SLC25A21: variants seen among roughly 807,000 people sequenced by gnomAD.
SLC25A21 encodes the protein mitochondrial 2-oxodicarboxylate carrier.
A neutral mutation model predicts 43.8 loss-of-function variants in SLC25A21; 47 were observed. The ratio of observed to expected loss-of-function variants is 1.07; its 90% CI spans 0.85 to 1.37. SLC25A21 has a LOEUF of 1.37. Ranked by LOEUF, SLC25A21 falls within the 40% of genes most tolerant of loss-of-function variation. The probability of loss-of-function intolerance (pLI) is 0.00; values close to 1 mark genes in which losing one functional copy is unlikely to be tolerated. For missense variants in SLC25A21, 352 were observed against 350.2 expected, an observed-to-expected ratio of 1.00 and a Z score of -0.04; for synonymous variants, 131 against 121.3, an observed-to-expected ratio of 1.08 and a Z score of -0.52.
intron 1 of SLC25A21, among the ~76,000 whole-genome samples, chr14:36,915,234 C>T (rs1374337173): frequency 6.6e-6 from 1 of 152,072 alleles, no homozygotes; most frequent in African/African-American, 2.4e-5. Flanking sequence ...GGCAGTATAT[C>T]ATGGCACAGT....
Position 36,978,920 on chromosome 14 carries a change from T to G in SLC25A21, c.71-103916A>C, listed in dbSNP as rs560973118. On this transcript the variant is annotated intron_variant, in intron 1 of 9. Transcript: ENST00000331299. Reference sequence around the variant, plus strand: ...CTGGGCAACATAGCAATACCTTGTCTCTACTAAAAATACAAAAATTAGCCA... The same window carrying G: ...CTGGGCAACATAGCAATACCTTGTCGCTACTAAAAATACAAAAATTAGCCA... Among the ~76,000 whole-genome samples, 27 of 152,206 alleles carry G rather than the reference T, an allele frequency of 1.8e-4. No individual in the cohort carries two copies. In the South Asian group the frequency reaches 5.2e-3, roughly 29 times the overall value.
intron 1 of SLC25A21, among the ~76,000 whole-genome samples, chr14:37,131,255 T>A (rs1333061731): frequency 6.6e-6 from 1 of 152,206 alleles, no homozygotes; most frequent in African/African-American, 2.4e-5. Context: ...GTGAAAGAAG[T>A]AACAAAAAGG....
At chr14:37,118,300 C>T (rs1963143273) in intron 1 of SLC25A21, among the ~76,000 whole-genome samples, 1 of 152,080 alleles carries the variant, frequency 6.6e-6, no homozygotes, top group Non-Finnish European at 1.5e-5. Flanking sequence ...GTGGCCCCAC[C>T]TAGAAGCAGA....
chr14:36,968,171 TA>T (rs1225748318), intron 1 of SLC25A21, among the ~76,000 whole-genome samples: 5 of 152,144 alleles, frequency 3.3e-5, no homozygotes, highest in Non-Finnish European at 1.5e-5. Context: ...TAACGTGAGG[TA>T]AAGTGAAAAT....
chr14:37,044,012 A>T (rs895491779), intron 1 of SLC25A21, among the ~76,000 whole-genome samples: 1 of 143,908 alleles, frequency 6.9e-6, no homozygotes, highest in Non-Finnish European at 1.5e-5. Context: ...TCGAACTCCT[A>T]GCCTCAAATG....
At position 37,137,882 on chromosome 14, in the gene SLC25A21, T is replaced by G. The variant is rs147102800; in HGVS notation, c.70+34399A>C. On this transcript the variant is annotated intron_variant, in intron 1 of 9. Coordinates refer to ENST00000331299, the MANE Select transcript of SLC25A21 (RefSeq NM_030631.4). ...GTATTAATTAACAACTGACACTCAA[T>G]AAAATATGTTGAAAAAATTAAAGTA... 3.9e-5 allele frequency among the ~76,000 whole-genome samples: 6 copies of G among 152,296 alleles called. No homozygotes were observed. In the East Asian group the frequency reaches 9.6e-4, roughly 24 times the overall value.
intron 1 of SLC25A21, among the ~76,000 whole-genome samples, chr14:36,907,493 C>G (rs539633843): frequency 6.6e-6 from 1 of 152,212 alleles, no homozygotes; most frequent in South Asian, 2.1e-4. Context: ...CAAACGAGTG[C>G]TACCCTTTCA....
intron 1 of SLC25A21, among the ~76,000 whole-genome samples, chr14:37,018,906 A>T (rs911716937): frequency 7.9e-5 from 12 of 152,034 alleles, no homozygotes; most frequent in Non-Finnish European, 1.6e-4. Flanking sequence ...GGTTTCAAAA[A>T]AATGGTTTAA....
At chr14:36,945,087 A>G (rs1892648692) in intron 1 of SLC25A21, among the ~76,000 whole-genome samples, 1 of 152,106 alleles carries the variant, frequency 6.6e-6, no homozygotes, top group African/African-American at 2.4e-5. Context: ...CCTGACTCAG[A>G]TTATTATTAT....
chr14:37,149,592 A>G (rs7159576), intron 1 of SLC25A21, among the ~76,000 whole-genome samples: 152,035 of 152,206 alleles, frequency 1, 75,932 homozygotes, highest in Middle Eastern at 1. Flanking sequence ...CTACTCAGGA[A>G]GCTGAGGCAG....
intron 2 of SLC25A21, among the ~76,000 whole-genome samples, chr14:36,840,842 A>G (rs529028633): frequency 1.3e-5 from 2 of 152,192 alleles, no homozygotes; most frequent in African/African-American, 2.4e-5. Context: ...AATGCATGGG[A>G]CATCACGGAA....
intron 1 of SLC25A21, among the ~76,000 whole-genome samples, chr14:37,161,689 G>A (rs187184864): frequency 1.3e-5 from 2 of 152,182 alleles, no homozygotes; most frequent in South Asian, 2.1e-4. Flanking sequence ...GGCCAGGCAC[G>A]GTGGCTCACG....
chr14:36,887,289 C>G (rs976049226), intron 1 of SLC25A21, among the ~76,000 whole-genome samples: 4 of 151,630 alleles, frequency 2.6e-5, no homozygotes, highest in African/African-American at 9.7e-5. Flanking sequence ...AAAGGCCAGG[C>G]GCGGTGGCTC....
chr14:36,983,864 T>A (rs1960086125), intron 1 of SLC25A21, among the ~76,000 whole-genome samples: 1 of 152,124 alleles, frequency 6.6e-6, no homozygotes, highest in African/African-American at 2.4e-5. Flanking sequence ...CTGGAGGGCA[T>A]TATCCTATGT....
chr14:36,736,558 G>C (rs547779296), intron 3 of SLC25A21, among the ~76,000 whole-genome samples: 5 of 152,040 alleles, frequency 3.3e-5, no homozygotes, highest in Non-Finnish European at 7.4e-5. Context: ...TAATGATAAA[G>C]GTTATTAGTT....
At chr14:36,837,029 C>G (rs1889232640) in intron 2 of SLC25A21, among the ~76,000 whole-genome samples, 1 of 151,940 alleles carries the variant, frequency 6.6e-6, no homozygotes. Flanking sequence ...AGACTTTGAG[C>G]CAGAGTTGAG....
At chr14:36,985,213 T>C (rs1015444068) in intron 1 of SLC25A21, among the ~76,000 whole-genome samples, 114 of 149,452 alleles carry the variant, frequency 7.6e-4, no homozygotes, top group African/African-American at 2.5e-3. Flanking sequence ...CATTGGGAGA[T>C]ATACCTAATG....
chr14:37,122,948 T>C (rs1963235094), intron 1 of SLC25A21, among the ~76,000 whole-genome samples: 2 of 152,250 alleles, frequency 1.3e-5, no homozygotes, highest in South Asian at 2.1e-4. Flanking sequence ...TTTGCTACTA[T>C]ATCTTAGGCA....
chr14:37,166,135 G>A (rs76017236), intron 1 of SLC25A21, among the ~76,000 whole-genome samples: 103 of 152,252 alleles, frequency 6.8e-4, no homozygotes, highest in African/African-American at 2.1e-3. Context: ...CACAAATCAC[G>A]GAGCAGAGCA....
Sources: allele counts gnomAD v4.1 joint callset (sites outside exome capture counted in the v4.1 genomes callset), GRCh38; gene constraint gnomAD v4.1.1; transcripts MANE v1.5; gene names NCBI Gene and HGNC (gene_info 2026-07-23, HGNC 2026-07-21).